EXOC6B: variants seen among roughly 807,000 people sequenced by gnomAD.
The protein encoded by EXOC6B is exocyst complex component 6B, also known as SEC15 homolog B.
Under a neutral mutation model 113.5 loss-of-function variants are expected in EXOC6B, and 54 were observed. The ratio of observed to expected loss-of-function variants is 0.48; its 90% CI spans 0.38 to 0.60. The LOEUF (loss-of-function observed/expected upper bound fraction) is 0.60. EXOC6B is among the 20% of genes least tolerant of loss of function. The probability of loss-of-function intolerance (pLI) is 0.00; values close to 1 mark genes in which losing one functional copy is unlikely to be tolerated. For synonymous variants in EXOC6B, 357 were observed against 339.0 expected, an observed-to-expected ratio of 1.05 and a Z score of -0.58; for missense variants, 797 against 977.5, an observed-to-expected ratio of 0.82 and a Z score of 2.46.
At chr2:72,461,325 T>C (rs965287778) in intron 18 of EXOC6B, among the ~76,000 whole-genome samples, 34 of 150,450 alleles carry the variant, frequency 2.3e-4, no homozygotes, top group African/African-American at 8.1e-4. Context: ...AACCTGTACA[T>C]TGTGCACATG....
intron 1 of EXOC6B, among the ~76,000 whole-genome samples, chr2:72,811,437 A>G (rs1370836434): frequency 6.6e-6 from 1 of 152,244 alleles, no homozygotes; most frequent in Non-Finnish European, 1.5e-5. Context: ...TGAATTTGCA[A>G]TTTAAAATCT....
chr2:72,369,090 T>G (rs1423102942), intron 19 of EXOC6B, among the ~76,000 whole-genome samples: 2 of 152,188 alleles, frequency 1.3e-5, no homozygotes, highest in Non-Finnish European at 2.9e-5. Flanking sequence ...TGTTTGCAGA[T>G]GACATGATTG....
At chr2:72,216,919 G>A (rs757200475) in intron 20 of EXOC6B, among the ~76,000 whole-genome samples, 106 of 151,782 alleles carry the variant, frequency 7.0e-4, no homozygotes, top group Non-Finnish European at 7.8e-4. Context: ...GGCGCAAGGG[G>A]AGGGAGAGAT....
At chr2:72,630,985 G>A (rs1443221430) in intron 6 of EXOC6B, among the ~76,000 whole-genome samples, 1 of 152,102 alleles carries the variant, frequency 6.6e-6, no homozygotes, top group East Asian at 1.9e-4. Flanking sequence ...TAATCCCAAA[G>A]TGATGTCCCA....
At chr2:72,590,946 T>C (rs1456305133) in intron 6 of EXOC6B, among the ~76,000 whole-genome samples, 2 of 152,012 alleles carry the variant, frequency 1.3e-5, no homozygotes, top group Admixed American at 6.6e-5. Context: ...AGTAGAGAGC[T>C]AAGAAGTGTG....
chr2:72,502,954 T>A (rs954378809), intron 11 of EXOC6B, among the ~76,000 whole-genome samples: 16 of 152,328 alleles, frequency 1.1e-4, no homozygotes, highest in African/African-American at 3.1e-4. Context: ...ATATACAGTC[T>A]CATCTATTTA....
chr2:72,578,748 A>G (rs1039409766), intron 6 of EXOC6B, among the ~76,000 whole-genome samples: 15 of 152,346 alleles, frequency 9.8e-5, no homozygotes, highest in Admixed American at 3.9e-4. Context: ...ATGATAAAAA[A>G]TAAATATGAT....
intron 20 of EXOC6B, among the ~76,000 whole-genome samples, chr2:72,278,349 C>G (rs1339164256): frequency 6.6e-6 from 1 of 152,150 alleles, no homozygotes; most frequent in East Asian, 1.9e-4. Context: ...TGTAGAGGGA[C>G]AATTGAAAGC....
At chr2:72,533,555 C>T (rs1446172942) in intron 8 of EXOC6B, among the ~76,000 whole-genome samples, 1 of 152,206 alleles carries the variant, frequency 6.6e-6, no homozygotes, top group African/African-American at 2.4e-5. Context: ...TCATCTCTCA[C>T]TACCCAGTCA....
At chr2:72,514,755 A>G in intron 9 of EXOC6B, 75 bp from the exon 10 acceptor site, 1 of 908,236 alleles carries the variant, frequency 1.1e-6, no homozygotes, top group South Asian at 1.6e-5. Context: ...TCAGTCACTT[A>G]ATCTCTTAAG....
chr2:72,567,938 A>G (rs1408712317), intron 7 of EXOC6B, among the ~76,000 whole-genome samples: 1 of 152,090 alleles, frequency 6.6e-6, no homozygotes, highest in African/African-American at 2.4e-5. Context: ...ATAGTAACAT[A>G]TGATTCCAGA....
chr2:72,452,844 A>C (rs1213631091), intron 18 of EXOC6B, among the ~76,000 whole-genome samples: 2 of 152,202 alleles, frequency 1.3e-5, no homozygotes, highest in African/African-American at 2.4e-5. Flanking sequence ...AAATAAACTG[A>C]CATAAAAATA....
intron 20 of EXOC6B, among the ~76,000 whole-genome samples, chr2:72,290,135 T>G (rs754261271): frequency 3.9e-5 from 6 of 152,340 alleles, no homozygotes; most frequent in Non-Finnish European, 7.4e-5. Context: ...GTCTTTGAAC[T>G]TGAACTGTAA....
chr2:72,454,311 C>G (rs1223195721), intron 18 of EXOC6B, among the ~76,000 whole-genome samples: 1 of 152,066 alleles, frequency 6.6e-6, no homozygotes, highest in South Asian at 2.1e-4. Context: ...CAAGACCAAC[C>G]TGGGCAACAT....
At chr2:72,401,328 G>A (rs951898866) in intron 18 of EXOC6B, among the ~76,000 whole-genome samples, 1 of 149,102 alleles carries the variant, frequency 6.7e-6, no homozygotes, top group Non-Finnish European at 1.5e-5. Context: ...CAGGTGTGGT[G>A]GTGGGCACTT....
At chr2:72,727,169 T>C (rs1680351463) in intron 5 of EXOC6B, among the ~76,000 whole-genome samples, 2 of 152,010 alleles carry the variant, frequency 1.3e-5, no homozygotes, top group Non-Finnish European at 1.5e-5. Flanking sequence ...ACCTGAAATA[T>C]AGAAATTGAT....
chr2:72,185,571 G>C (rs939207205), intron 20 of EXOC6B, among the ~76,000 whole-genome samples: 2 of 152,170 alleles, frequency 1.3e-5, no homozygotes, highest in Non-Finnish European at 2.9e-5. Context: ...TGGTTGGTCT[G>C]GGCCAGGATG....
intron 20 of EXOC6B, among the ~76,000 whole-genome samples, chr2:72,314,948 T>C (rs767129936): frequency 2.8e-4 from 43 of 152,160 alleles, no homozygotes; most frequent in Non-Finnish European, 5.6e-4. Context: ...ATGAAAATCA[T>C]TTTTTACTAG....
At chr2:72,326,892 C>T (rs1055865563) in intron 20 of EXOC6B, among the ~76,000 whole-genome samples, 3 of 152,040 alleles carry the variant, frequency 2.0e-5, no homozygotes, top group Non-Finnish European at 2.9e-5. Context: ...GGCAAGCCAG[C>T]GTTTGGTTAG....
Sources: gnomAD v4.1 joint callset for allele counts (sites outside exome capture counted in the v4.1 genomes callset) on GRCh38, gnomAD v4.1.1 for gene constraint, MANE v1.5 for transcripts, NCBI Gene and HGNC (gene_info 2026-07-23, HGNC 2026-07-21) for gene names.